MGAT5: variants seen among roughly 807,000 people sequenced by gnomAD.
MGAT5 encodes the protein alpha-1,6-mannosylglycoprotein 6-beta-N-acetylglucosaminyltransferase A.
Under a neutral mutation model 94.3 loss-of-function variants are expected in MGAT5, and 30 were observed. The observed-to-expected ratio is 0.32, with a 90% CI of 0.24 to 0.43. The LOEUF is 0.43. Ranked by LOEUF, MGAT5 falls within the 20% of genes least tolerant of loss-of-function variation. The probability of loss-of-function intolerance (pLI) is 1.00; values close to 1 mark genes in which losing one functional copy is unlikely to be tolerated. For missense variants in MGAT5, 691 were observed against 905.5 expected, an observed-to-expected ratio of 0.76 and a Z score of 3.04; for synonymous variants, 310 against 322.9, an observed-to-expected ratio of 0.96 and a Z score of 0.43.
chr2:134,395,113 G>A (rs62171365), intron 10 of MGAT5, among the ~76,000 whole-genome samples: 28,485 of 152,096 alleles, frequency 0.19, 2,859 homozygotes, highest in Middle Eastern at 0.37. Context: ...TATAGCTGGT[G>A]GGCTTTGTTG....
intron 10 of MGAT5, among the ~76,000 whole-genome samples, chr2:134,390,400 A>G (rs958398039): frequency 6.6e-6 from 1 of 152,224 alleles, no homozygotes; most frequent in Non-Finnish European, 1.5e-5. Context: ...CATGTGCACA[A>G]CGTGCAGGTT....
At chr2:134,240,942 A>G (rs1207341521) in intron 1 of MGAT5, among the ~76,000 whole-genome samples, 1 of 152,246 alleles carries the variant, frequency 6.6e-6, no homozygotes, top group Non-Finnish European at 1.5e-5. Flanking sequence ...TAAACTTTCA[A>G]GGTATTGGAG....
intron 11 of MGAT5, among the ~76,000 whole-genome samples, 197 bp from the exon 12 acceptor site, chr2:134,412,672 T>C (rs1247298067): frequency 1.3e-5 from 2 of 152,086 alleles, no homozygotes; most frequent in African/African-American, 4.8e-5. Context: ...GTGGGGACTT[T>C]AAAAGTTCGT....
intron 1 of MGAT5, among the ~76,000 whole-genome samples, chr2:134,163,808 G>A (rs1053473606): frequency 2.0e-5 from 3 of 152,180 alleles, no homozygotes; most frequent in African/African-American, 7.2e-5. Flanking sequence ...GAGTCGAGGG[G>A]CTGTCAAAGG....
At position 134,170,738 on chromosome 2, in the gene MGAT5, A is replaced by G. The variant is rs560840521; in HGVS notation, c.-143+50447A>G. On this transcript the variant is annotated intron_variant, in intron 1 of 16. Transcript: ENST00000409645. Reference sequence around the variant, plus strand: ...TGCTCATACAGTCCATGAACATCAGAAACATACTATACATGTCTTTTAATG... The same window carrying G: ...TGCTCATACAGTCCATGAACATCAGGAACATACTATACATGTCTTTTAATG... Among the ~76,000 whole-genome samples, 73 of 152,298 alleles carry G rather than the reference A, an allele frequency of 4.8e-4. 1 individual carries two copies. The highest frequency in any genetic ancestry group is 1.7e-3 in the African/African-American group (70 of 41,554).
chr2:134,326,120 C>G (rs888963254), intron 4 of MGAT5, among the ~76,000 whole-genome samples: 1 of 149,162 alleles, frequency 6.7e-6, no homozygotes, highest in Non-Finnish European at 1.5e-5. Context: ...ATTAAAGGTA[C>G]CTTCTTAATA....
chr2:134,262,219 T>C (rs1326163874), intron 1 of MGAT5, among the ~76,000 whole-genome samples: 1 of 152,180 alleles, frequency 6.6e-6, no homozygotes, highest in Non-Finnish European at 1.5e-5. Context: ...TCTTTTTTTT[T>C]GGTGTTGTTT....
intron 10 of MGAT5, among the ~76,000 whole-genome samples, chr2:134,373,147 T>TTGCTA (rs745805375): frequency 2.0e-5 from 3 of 152,112 alleles, no homozygotes; most frequent in Non-Finnish European, 4.4e-5. Context: ...GGAAAAGAAG[T>TTGCTA]TGCTATCTGA....
intron 9 of MGAT5, among the ~76,000 whole-genome samples, chr2:134,353,050 G>A (rs928426841): frequency 6.6e-6 from 1 of 152,136 alleles, no homozygotes; most frequent in Non-Finnish European, 1.5e-5. Flanking sequence ...GTTGGGAGGA[G>A]GAATTAGTGT....
intron 1 of MGAT5, among the ~76,000 whole-genome samples, chr2:134,159,665 C>T (rs1354440076): frequency 1.3e-5 from 2 of 152,176 alleles, no homozygotes. Flanking sequence ...GCCTGGCCAA[C>T]ATGGGGAAAC....
At chr2:134,333,889 T>C (rs1371129) in intron 4 of MGAT5, among the ~76,000 whole-genome samples, 147,710 of 152,252 alleles carry the variant, frequency 0.97, 71,724 homozygotes, top group East Asian at 1. Flanking sequence ...GAGAAAGAAA[T>C]GCTTTGTTTT....
intron 1 of MGAT5, among the ~76,000 whole-genome samples, chr2:134,172,990 A>G (rs977189332): frequency 2.0e-5 from 3 of 152,234 alleles, no homozygotes; most frequent in Non-Finnish European, 4.4e-5. Flanking sequence ...CGTGAATAAA[A>G]GCATTAACGT....
At chr2:134,214,111 CA>C (rs1680343345) in intron 1 of MGAT5, among the ~76,000 whole-genome samples, 1 of 152,110 alleles carries the variant, frequency 6.6e-6, no homozygotes, top group Non-Finnish European at 1.5e-5. Flanking sequence ...ATTCCTAATA[CA>C]AAGCTCCCTA....
intron 4 of MGAT5, among the ~76,000 whole-genome samples, chr2:134,327,498 A>C (rs1035704001): frequency 2.0e-5 from 3 of 152,108 alleles, no homozygotes; most frequent in Non-Finnish European, 1.5e-5. Context: ...CTAAGTGACT[A>C]ATGTGAGTGG....
chr2:134,308,453 C>T (rs115953407), intron 2 of MGAT5, among the ~76,000 whole-genome samples: 1 of 152,286 alleles, frequency 6.6e-6, no homozygotes, highest in South Asian at 2.1e-4. Flanking sequence ...GCTGGCTCAT[C>T]GCATGTCCCA....
At chr2:134,427,677 A>G (rs1684665257) in intron 13 of MGAT5, among the ~76,000 whole-genome samples, 2 of 152,136 alleles carry the variant, frequency 1.3e-5, no homozygotes, top group Non-Finnish European at 2.9e-5. Flanking sequence ...GGCCCTCTCC[A>G]GTTTGGGCCT....
chr2:134,140,166 A>C (rs554934480), intron 1 of MGAT5, among the ~76,000 whole-genome samples: 1 of 152,368 alleles, frequency 6.6e-6, no homozygotes, highest in South Asian at 2.1e-4. Flanking sequence ...GGCTGTCTTT[A>C]TGAATGGTCA....
At chr2:134,193,675 T>TGTG (rs1679346459) in intron 1 of MGAT5, among the ~76,000 whole-genome samples, 3 of 130,808 alleles carry the variant, frequency 2.3e-5, no homozygotes, top group Non-Finnish European at 4.9e-5. Context: ...CCCCAAATCT[T>TGTG]TGTGTGTGTG....
chr2:134,418,388 T>C (rs1051917834), intron 12 of MGAT5, among the ~76,000 whole-genome samples: 1 of 152,172 alleles, frequency 6.6e-6, no homozygotes, highest in African/African-American at 2.4e-5. Context: ...TTAGAGAAAC[T>C]GTGGGATCCT....
Sources: allele counts gnomAD v4.1 joint callset (sites outside exome capture counted in the v4.1 genomes callset), GRCh38; gene constraint gnomAD v4.1.1; transcripts MANE v1.5; gene names NCBI Gene and HGNC (gene_info 2026-07-23, HGNC 2026-07-21).